The following KDM5B variants were observed in gnomAD, a reference collection of about 807,000 sequenced individuals.
KDM5B encodes lysine demethylase 5B.
A neutral mutation model predicts 193.4 loss-of-function variants in KDM5B; 144 were observed. The observed-to-expected ratio is 0.74, with a 90% CI of 0.65 to 0.86. KDM5B has a LOEUF of 0.86. Among genes scored for constraint, KDM5B ranks in the 40% least tolerant of loss-of-function variants. The probability of loss-of-function intolerance (pLI) is 0.00; values close to 1 mark genes in which losing one functional copy is unlikely to be tolerated. For missense variants in KDM5B, 1,833 were observed against 1,886.9 expected, an observed-to-expected ratio of 0.97 and a Z score of 0.53; for synonymous variants, 668 against 682.6, an observed-to-expected ratio of 0.98 and a Z score of 0.33.
chr1:202,807,872 C>T (rs1366439502), intron 1 of KDM5B, among the ~76,000 whole-genome samples: 21 of 152,030 alleles, frequency 1.4e-4, no homozygotes, highest in Admixed American at 1.3e-3. Context: ...CCGGCCCTCC[C>T]ATGGCACCGC....
Position 202,729,116 on chromosome 1 carries a change from C to T in KDM5B, c.4555G>A (p.Gly1519Ser), listed in dbSNP as rs779582341. 1.9e-6 allele frequency: 3 copies of T among 1,614,082 alleles called. No individual in the cohort carries two copies. Among genetic ancestry groups the T allele is most frequent in the Admixed American group, 1.7e-5 (1 of 60,008 alleles). ...TTCTCTGCCATCTCTGGGGAGACAC[C>T]AACACAGACCTGATGAAACCACTGA... ...CNQWFHQVCV[G>S]VSPEMAEKED... The change falls in exon 27 of 27, where the codon GGT (glycine) becomes AGT (serine). Residue 1519 changes from glycine to serine, a missense_variant. By Grantham distance (56) the Gly-to-Ser change is moderately conservative. Around this residue, in one of 3 missense-constraint regions of KDM5B, gnomAD observed 1,379 missense variants for 1,349.6 expected, o/e 1.02. Coordinates refer to ENST00000367265, the MANE Select transcript of KDM5B (RefSeq NM_006618.5).
Position 202,785,909 on chromosome 1 carries a change from TAA to T in KDM5B, c.205-8817_205-8816del, listed in dbSNP as rs535467100. Among the ~76,000 whole-genome samples the T allele has an allele frequency of 8.7e-3, 1,170 of 134,094 alleles. 19 individuals are homozygous for T. The highest frequency in any genetic ancestry group is 0.029 in the African/African-American group (1,066 of 36,260). 88.0% of individuals were successfully genotyped at this position (134,094 alleles called of 152,430 possible). On this transcript the variant is annotated intron_variant, in intron 1 of 26. Transcript: ENST00000367265. ...GGGCAAACAGAGCAAGACTCCCAAT[TAA>T]AAAAAAAAAAAAAAAGTGCCGGTTT...
chr1:202,779,840 T>A (rs972515346), intron 1 of KDM5B, among the ~76,000 whole-genome samples: 1 of 123,642 alleles, frequency 8.1e-6, no homozygotes, highest in African/African-American at 2.7e-5. Flanking sequence ...AATAAATAAA[T>A]AAATAAAAAA....
rs1654762418 is a variant in KDM5B, at chr1:202,728,770, C to A, written c.*266G>T. 2.8e-6 allele frequency: 1 copy of A among 353,304 alleles called. No individual in the cohort carries two copies. Among genetic ancestry groups the A allele is most frequent in the Non-Finnish European group, 5.2e-6 (1 of 191,328 alleles). 21.9% of individuals were successfully genotyped at this position (353,304 alleles called of 1,614,324 possible). ...TCAATGCCTTCCAAATTGGTGGGAACCCCTGCAAAAAAAACAGTCAGCTTT... is the reference window on the plus strand; with the variant it reads ...TCAATGCCTTCCAAATTGGTGGGAAACCCTGCAAAAAAAACAGTCAGCTTT... On this transcript the variant is annotated 3_prime_UTR_variant, in exon 27 of 27. Transcript: ENST00000367265.
At chr1:202,751,629 C>G (rs779666805) in intron 12 of KDM5B, among the ~76,000 whole-genome samples, 1 of 152,100 alleles carries the variant, frequency 6.6e-6, no homozygotes, top group South Asian at 2.1e-4. Flanking sequence ...ATTTAAGAGC[C>G]CTTTCTGATT....
intron 2 of KDM5B, among the ~76,000 whole-genome samples, chr1:202,775,499 T>G (rs551847750): frequency 1.9e-4 from 28 of 151,304 alleles, no homozygotes; most frequent in African/African-American, 6.3e-4. Flanking sequence ...ATCATGCTAC[T>G]GCACTCCAGC....
intron 5 of KDM5B, among the ~76,000 whole-genome samples, chr1:202,766,697 C>T (rs1055797012): frequency 1.3e-5 from 2 of 152,124 alleles, no homozygotes; most frequent in African/African-American, 4.8e-5. Flanking sequence ...TGGTAATAAG[C>T]GGCTGTCTGT....
At chr1:202,761,742 C>G (rs762977621) in intron 7 of KDM5B, among the ~76,000 whole-genome samples, 1 of 152,196 alleles carries the variant, frequency 6.6e-6, no homozygotes, top group Non-Finnish European at 1.5e-5. Flanking sequence ...ACCCTGCCAA[C>G]ACCTTGATCT....
intron 1 of KDM5B, among the ~76,000 whole-genome samples, chr1:202,803,829 A>C (rs556168477): frequency 1.9e-4 from 28 of 151,024 alleles, no homozygotes; most frequent in Non-Finnish European, 3.4e-4. Context: ...ATCTCAAAAA[A>C]AAAAGGTAGA....
chr1:202,772,869 G>C (rs1451036535), intron 4 of KDM5B, among the ~76,000 whole-genome samples: 7 of 151,960 alleles, frequency 4.6e-5, no homozygotes. Context: ...GCAAATTTTT[G>C]TATTTTTAGT....
At chr1:202,779,836 T>TAAAC (rs1293151318) in intron 1 of KDM5B, among the ~76,000 whole-genome samples, 1 of 147,112 alleles carries the variant, frequency 6.8e-6, no homozygotes, top group African/African-American at 2.6e-5. Flanking sequence ...AATAAATAAA[T>TAAAC]AAATAAATAA....
At chr1:202,762,202 C>T (rs1656276883) in intron 7 of KDM5B, among the ~76,000 whole-genome samples, 1 of 152,164 alleles carries the variant, frequency 6.6e-6, no homozygotes, top group Non-Finnish European at 1.5e-5. Context: ...TGTTCCTTTT[C>T]CTTTTCTTCC....
intron 14 of KDM5B, among the ~76,000 whole-genome samples, chr1:202,748,484 A>C (rs1655652176): frequency 6.6e-6 from 1 of 150,774 alleles, no homozygotes; most frequent in Non-Finnish European, 1.5e-5. Flanking sequence ...ACTGGGAGAA[A>C]ACATTAGCAA....
chr1:202,760,975 C>A (rs1398031097), intron 7 of KDM5B, among the ~76,000 whole-genome samples: 1 of 151,784 alleles, frequency 6.6e-6, no homozygotes, highest in Non-Finnish European at 1.5e-5. Context: ...TTGGAGTGAG[C>A]CCTTATTGCA....
At chr1:202,731,683 C>T (rs1332570613) in intron 24 of KDM5B, 145 bp downstream of exon 24, 2 of 638,480 alleles carry the variant, frequency 3.1e-6, no homozygotes, top group Non-Finnish European at 5.5e-6. Context: ...AGGATCCCTT[C>T]CCTATTTTGC....
At position 202,808,138 on chromosome 1, in the gene KDM5B, G is replaced by C. The variant is rs150129345; in HGVS notation, c.168C>G (p.Ala56=). Reference sequence around the variant, plus strand: ...GCACCTTACAGATGCCAGTCTGCTCGGCTATGGGCCGGATCTTGTGGATGA... The same window carrying C: ...GCACCTTACAGATGCCAGTCTGCTCCGCTATGGGCCGGATCTTGTGGATGA... The part of the protein sequence containing the change: ...FAFIHKIRPI[A]EQTGICKVRP... The change falls in exon 1 of 27, where the codon GCC becomes GCG. Residue 56 remains alanine, a synonymous_variant. Transcript: ENST00000367265. 6.2e-7 allele frequency: 1 copy of C among 1,612,640 alleles called. No individual in the cohort carries two copies.
chr1:202,788,259 T>C (rs1657494124), intron 1 of KDM5B, among the ~76,000 whole-genome samples: 1 of 152,194 alleles, frequency 6.6e-6, no homozygotes, highest in Non-Finnish European at 1.5e-5. Context: ...AACACAATCA[T>C]GTAGACTTTT....
chr1:202,772,479 A>G (rs1356831716), intron 4 of KDM5B, among the ~76,000 whole-genome samples: 1 of 152,230 alleles, frequency 6.6e-6, no homozygotes, highest in Non-Finnish European at 1.5e-5. Flanking sequence ...AAGTTATTTC[A>G]CAGCTTATAC....
intron 11 of KDM5B, 84 bp downstream of exon 11, chr1:202,755,187 C>T (rs1032260361): frequency 2.0e-6 from 2 of 1,016,344 alleles, no homozygotes; most frequent in Admixed American, 2.0e-5. Context: ...TCTTCAGACA[C>T]AGTTAAGACA....
Sources: gnomAD v4.1 joint callset for allele counts (sites outside exome capture counted in the v4.1 genomes callset) on GRCh38, gnomAD v4.1.1 for gene constraint, gnomAD v4.1.1 regional missense constraint, MANE v1.5 for transcripts, NCBI Gene and HGNC (gene_info 2026-07-23, HGNC 2026-07-21) for gene names.